DIAPH2: variants seen among roughly 807,000 people sequenced by gnomAD.
The protein encoded by DIAPH2 is diaphanous related formin 2.
Under a neutral mutation model 92.7 loss-of-function variants are expected in DIAPH2, and 35 were observed. That is an observed-to-expected ratio of 0.38 (90% CI 0.29 to 0.50). DIAPH2 has a LOEUF of 0.50. Among genes scored for constraint, DIAPH2 ranks in the 20% least tolerant of loss-of-function variants. The probability of loss-of-function intolerance (pLI) is 0.94; values close to 1 mark genes in which losing one functional copy is unlikely to be tolerated. For missense variants in DIAPH2, 701 were observed against 819.5 expected (o/e 0.86, Z 1.77); for synonymous variants, 301 against 280.4 (o/e 1.07, Z -0.73).
intron 26 of DIAPH2, chrX:97,469,601 T>C: frequency 1.2e-6 from 1 of 817,085 alleles, no homozygotes; most frequent in Non-Finnish European, 1.7e-6. Flanking sequence ...ATGAGCTGTT[T>C]ATGGTTTTGT....
chrX:96,966,169 A>G (rs187036725), intron 17 of DIAPH2, among the ~76,000 whole-genome samples: 177 of 111,685 alleles, frequency 1.6e-3, no homozygotes, highest in South Asian at 0.014. Flanking sequence ...ATTGAAGTTC[A>G]TATGCACACA....
intron 23 of DIAPH2, among the ~76,000 whole-genome samples, chrX:97,299,462 G>T (rs1482578784): frequency 9.0e-6 from 1 of 111,496 alleles, no homozygotes; most frequent in African/African-American, 3.3e-5. Context: ...TTGTAATAAT[G>T]CATTAATGGA....
chrX:96,928,882 T>G (rs2065600991), intron 9 of DIAPH2, among the ~76,000 whole-genome samples: 1 of 111,676 alleles, frequency 9.0e-6, no homozygotes, highest in Non-Finnish European at 1.9e-5. Flanking sequence ...TAAAGTTATA[T>G]TGATACATTC....
At chrX:97,481,074 G>A (rs745535210) in intron 26 of DIAPH2, among the ~76,000 whole-genome samples, 2 of 111,769 alleles carry the variant, frequency 1.8e-5, no homozygotes, top group Non-Finnish European at 3.8e-5. Flanking sequence ...TCAAGGCTTC[G>A]TTGAATTCCC....
intron 23 of DIAPH2, among the ~76,000 whole-genome samples, chrX:97,326,285 G>T (rs2068950599): frequency 8.9e-6 from 1 of 111,990 alleles, no homozygotes; most frequent in Non-Finnish European, 1.9e-5. Context: ...GGTAGCATAT[G>T]GAATACTCCA....
intron 26 of DIAPH2, among the ~76,000 whole-genome samples, chrX:97,493,776 C>T (rs1420407244): frequency 1.8e-5 from 2 of 108,657 alleles, no homozygotes; most frequent in Non-Finnish European, 3.8e-5. Context: ...ATCCCAGCTA[C>T]TGGGGAGGCT....
chrX:97,177,301 G>A (rs749723524), intron 22 of DIAPH2, among the ~76,000 whole-genome samples: 2 of 111,519 alleles, frequency 1.8e-5, no homozygotes, highest in Non-Finnish European at 3.8e-5. Context: ...GGAAACTGAG[G>A]TCCTACAATT....
intron 26 of DIAPH2, among the ~76,000 whole-genome samples, chrX:97,591,927 A>G (rs899230398): frequency 3.6e-5 from 4 of 112,108 alleles, no homozygotes; most frequent in Non-Finnish European, 7.5e-5. Flanking sequence ...GTCCAAAGAT[A>G]ATCAATGGCA....
At position 97,158,374 on chromosome X, in the gene DIAPH2, C is replaced by T. The variant is rs145840298; in HGVS notation, c.2719+16580C>T. Among the ~76,000 whole-genome samples, 528 of 111,959 alleles carry T rather than the reference C, an allele frequency of 4.7e-3. 6 individuals are homozygous for T. Among genetic ancestry groups the T allele is most frequent in the African/African-American group, 0.016 (501 of 30,838 alleles). ...TCCAGATTCTTGAATTCTGTTTGTG[C>T]AAACTGGACTTGAGGGGAGTATCTA... On this transcript the variant is annotated intron_variant, in intron 22 of 26. Coordinates refer to ENST00000324765, the MANE Select transcript of DIAPH2 (RefSeq NM_006729.5).
chrX:96,905,740 A>G (rs918982003), intron 5 of DIAPH2, among the ~76,000 whole-genome samples: 2 of 111,844 alleles, frequency 1.8e-5, no homozygotes, highest in Non-Finnish European at 3.8e-5. Context: ...TCTCCCCCTC[A>G]CCATTATAAT....
chrX:97,344,483 G>A (rs2069139313), intron 23 of DIAPH2, among the ~76,000 whole-genome samples: 1 of 112,115 alleles, frequency 8.9e-6, no homozygotes, highest in African/African-American at 3.2e-5. Context: ...GGGATGATAT[G>A]GAGTGATGTT....
chrX:97,389,465 CA>C (rs1164301048), intron 25 of DIAPH2, among the ~76,000 whole-genome samples: 1,165 of 34,534 alleles, frequency 0.034, 14 homozygotes, highest in African/African-American at 0.094. Flanking sequence ...GACTCTGTCT[CA>C]AAAAAAAAAA....
At chrX:97,366,291 C>T (rs1467105150) in intron 24 of DIAPH2, among the ~76,000 whole-genome samples, 1 of 111,746 alleles carries the variant, frequency 8.9e-6, no homozygotes, top group African/African-American at 3.2e-5. Context: ...TTCTCTCTGC[C>T]ACCTTTTCAA....
chrX:97,531,862 A>G (rs1362202728), intron 26 of DIAPH2, among the ~76,000 whole-genome samples: 2 of 112,583 alleles, frequency 1.8e-5, no homozygotes, highest in Non-Finnish European at 1.9e-5. Flanking sequence ...GAAACTCTCT[A>G]GAATCTTAAA....
chrX:97,207,890 G>A (rs753486378), intron 22 of DIAPH2, among the ~76,000 whole-genome samples: 170 of 111,488 alleles, frequency 1.5e-3, no homozygotes, highest in African/African-American at 5.2e-3. Flanking sequence ...GCAGCAGCTC[G>A]CGCCTATAAT....
intron 1 of DIAPH2, among the ~76,000 whole-genome samples, chrX:96,714,271 T>C (rs1384927599): frequency 9.4e-6 from 1 of 106,555 alleles, no homozygotes; most frequent in Non-Finnish European, 1.9e-5. Flanking sequence ...GTGTGTTTTT[T>C]TTTTTTTTTT....
intron 23 of DIAPH2, among the ~76,000 whole-genome samples, chrX:97,279,493 G>C (rs769839460): frequency 2.7e-5 from 3 of 109,141 alleles, no homozygotes; most frequent in Non-Finnish European, 5.7e-5. Flanking sequence ...TGGTAGAGAC[G>C]GGATTTCACC....
intron 23 of DIAPH2, among the ~76,000 whole-genome samples, chrX:97,269,982 G>A (rs1160896961): frequency 1.8e-5 from 2 of 110,268 alleles, no homozygotes; most frequent in Admixed American, 9.7e-5. Context: ...CCAGGCTGGA[G>A]TGCAGTGGCG....
At chrX:97,016,868 A>G (rs759758562) in intron 17 of DIAPH2, among the ~76,000 whole-genome samples, 12 of 112,399 alleles carry the variant, frequency 1.1e-4, no homozygotes, top group Non-Finnish European at 2.3e-4. Context: ...GCAAGTCTTC[A>G]TGGTTGTGTG....
Sources: allele counts gnomAD v4.1 joint callset (sites outside exome capture counted in the v4.1 genomes callset), GRCh38; gene constraint gnomAD v4.1.1; transcripts MANE v1.5; gene names NCBI Gene and HGNC (gene_info 2026-07-23, HGNC 2026-07-21).